PTPRT: variants seen among roughly 807,000 people sequenced by gnomAD.
The protein encoded by PTPRT is protein tyrosine phosphatase receptor type T.
In PTPRT, 56 loss-of-function variants were observed where a neutral mutation model predicts 176.8. That is an observed-to-expected ratio of 0.32 (90% CI 0.26 to 0.40). The LOEUF is 0.40. Ranked by LOEUF, PTPRT falls within the 10% of genes least tolerant of loss-of-function variation. The pLI, the probability that PTPRT is intolerant of heterozygous loss-of-function variation, is 1.00. For synonymous variants in PTPRT, 783 were observed against 739.0 expected (o/e 1.06, Z -0.96); for missense variants, 1,540 against 1,908.2 (o/e 0.81, Z 3.60).
chr20:42,300,495 C>A (rs139332373), intron 12 of PTPRT, among the ~76,000 whole-genome samples: 101 of 151,988 alleles, frequency 6.6e-4, no homozygotes, highest in African/African-American at 2.3e-3. Flanking sequence ...GGAGACATTT[C>A]AGAATGACAA....
At chr20:42,484,947 C>A (rs2071442844) in intron 7 of PTPRT, among the ~76,000 whole-genome samples, 1 of 152,194 alleles carries the variant, frequency 6.6e-6, no homozygotes, top group Non-Finnish European at 1.5e-5. Flanking sequence ...GATCTTCCCT[C>A]TCTGCCCCAT....
chr20:43,116,672 AC>A (rs1483648730), intron 1 of PTPRT, among the ~76,000 whole-genome samples: 4 of 152,138 alleles, frequency 2.6e-5, no homozygotes, highest in African/African-American at 9.7e-5. Context: ...TAGGCTTACC[AC>A]TATCACCACT....
chr20:43,044,134 G>C (rs1483084245), intron 1 of PTPRT, among the ~76,000 whole-genome samples: 1 of 152,142 alleles, frequency 6.6e-6, no homozygotes, highest in Admixed American at 6.5e-5. Context: ...CTGAGAAAAT[G>C]ATTAGGCTGA....
At chr20:42,759,311 G>A (rs955538966) in intron 5 of PTPRT, among the ~76,000 whole-genome samples, 3 of 152,102 alleles carry the variant, frequency 2.0e-5, no homozygotes, top group African/African-American at 7.2e-5. Flanking sequence ...TGTTTTATAT[G>A]CTTTCTCATT....
intron 1 of PTPRT, among the ~76,000 whole-genome samples, chr20:43,046,435 G>A (rs113960613): frequency 0.028 from 3,659 of 132,226 alleles, 62 homozygotes; most frequent in Non-Finnish European, 0.036. Context: ...GGGTGTGGTG[G>A]AGCGCGCCTG....
downstream of PTPRT, among the ~76,000 whole-genome samples, chr20:42,069,086 C>G (rs1159436511): frequency 1.3e-5 from 2 of 152,214 alleles, no homozygotes; most frequent in African/African-American, 2.4e-5. Context: ...CATGGACACT[C>G]AGAGAGGAGA....
chr20:43,068,779 T>G (rs556112734), intron 1 of PTPRT, among the ~76,000 whole-genome samples: 1 of 151,880 alleles, frequency 6.6e-6, no homozygotes, highest in Non-Finnish European at 1.5e-5. Flanking sequence ...TGAAGTAATA[T>G]CAAAGAAGGT....
chr20:42,124,606 G>A (rs1009956362), intron 19 of PTPRT, among the ~76,000 whole-genome samples: 1 of 152,204 alleles, frequency 6.6e-6, no homozygotes, highest in African/African-American at 2.4e-5. Context: ...AATGATTCTA[G>A]CATGGGCAGT....
intron 9 of PTPRT, among the ~76,000 whole-genome samples, chr20:42,412,558 T>G (rs1044814533): frequency 1.3e-5 from 2 of 152,174 alleles, no homozygotes; most frequent in Admixed American, 6.5e-5. Context: ...TGGATATTTA[T>G]CCAAGAGAAA....
At chr20:43,168,363 G>A (rs1439173028) in intron 1 of PTPRT, among the ~76,000 whole-genome samples, 1 of 152,160 alleles carries the variant, frequency 6.6e-6, no homozygotes, top group Non-Finnish European at 1.5e-5. Flanking sequence ...GGCCTGTCTT[G>A]CCTCACATCA....
intron 2 of PTPRT, among the ~76,000 whole-genome samples, chr20:42,819,654 C>A (rs945593996): frequency 6.6e-6 from 1 of 151,744 alleles, no homozygotes; most frequent in Non-Finnish European, 1.5e-5. Flanking sequence ...ATTCAGGAGA[C>A]CCAACTTACA....
intron 1 of PTPRT, among the ~76,000 whole-genome samples, chr20:43,156,995 C>G (rs1243419021): frequency 6.6e-6 from 1 of 152,124 alleles, no homozygotes; most frequent in Non-Finnish European, 1.5e-5. Context: ...ATGCATTCAA[C>G]ACCTACTTGC....
intron 1 of PTPRT, among the ~76,000 whole-genome samples, chr20:42,977,105 T>C (rs114451058): frequency 0.034 from 5,174 of 152,182 alleles, 234 homozygotes; most frequent in African/African-American, 0.1. Flanking sequence ...CACAGACTCA[T>C]AGGAGAATTC....
intron 6 of PTPRT, among the ~76,000 whole-genome samples, chr20:42,751,795 G>C (rs753762585): frequency 3.3e-5 from 5 of 152,092 alleles, no homozygotes; most frequent in Non-Finnish European, 5.9e-5. Flanking sequence ...ACAGACTAAA[G>C]GCTACACTGC....
chr20:42,548,905 T>C (rs954810083), intron 7 of PTPRT, among the ~76,000 whole-genome samples: 5 of 152,124 alleles, frequency 3.3e-5, no homozygotes, highest in African/African-American at 1.2e-4. Flanking sequence ...ATGAACACAA[T>C]GTACAGTCAT....
intron 7 of PTPRT, among the ~76,000 whole-genome samples, chr20:42,622,520 A>G (rs954682936): frequency 2.0e-5 from 3 of 152,180 alleles, no homozygotes; most frequent in Non-Finnish European, 2.9e-5. Context: ...CATTACAGGC[A>G]TGAGCCACCG....
At chr20:42,055,664 T>C in the PTPRT span, among the ~76,000 whole-genome samples, 1 of 151,948 alleles carries the variant, frequency 6.6e-6, no homozygotes, top group African/African-American at 2.4e-5. Context: ...CCTGGGGAGA[T>C]GGTGCCAGGA....
At chr20:42,405,101 A>T (rs1279714503) in intron 9 of PTPRT, among the ~76,000 whole-genome samples, 1 of 150,484 alleles carries the variant, frequency 6.6e-6, no homozygotes, top group African/African-American at 2.4e-5. Context: ...AAATATATGT[A>T]AATTTATATA....
intron 1 of PTPRT, among the ~76,000 whole-genome samples, chr20:42,924,848 T>C (rs1027894287): frequency 6.6e-6 from 1 of 152,320 alleles, no homozygotes; most frequent in East Asian, 1.9e-4. Context: ...TCACTGGTCA[T>C]GTACATCACC....
Sources: gnomAD v4.1 joint callset for allele counts (sites outside exome capture counted in the v4.1 genomes callset) on GRCh38, gnomAD v4.1.1 for gene constraint, MANE v1.5 for transcripts, NCBI Gene and HGNC (gene_info 2026-07-23, HGNC 2026-07-21) for gene names.